SV2C: variants seen among roughly 807,000 people sequenced by gnomAD.
SV2C encodes the protein synaptic vesicle glycoprotein 2C, also known as solute carrier family 22 member B3.
SV2C carries 49 observed loss-of-function variants against 79.7 expected under a neutral mutation model. The ratio of observed to expected loss-of-function variants is 0.61; its 90% CI spans 0.49 to 0.78. The LOEUF (loss-of-function observed/expected upper bound fraction) is 0.78, where lower values mean the gene tolerates loss of function less well. Ranked by LOEUF, SV2C falls within the 30% of genes least tolerant of loss-of-function variation. The pLI is 0.00. For missense variants in SV2C, 833 were observed against 912.9 expected, an observed-to-expected ratio of 0.91 and a Z score of 1.13; for synonymous variants, 334 against 333.2, an observed-to-expected ratio of 1.00 and a Z score of -0.03.
the SV2C span, among the ~76,000 whole-genome samples, chr5:75,933,790 G>A: frequency 3.0e-4 from 46 of 152,076 alleles, no homozygotes; most frequent in African/African-American, 9.9e-4. Flanking sequence ...TCTATCATCT[G>A]TCCAAGCTTT....
At chr5:76,183,550 C>G (rs1351444592) in intron 2 of SV2C, among the ~76,000 whole-genome samples, 3 of 152,096 alleles carry the variant, frequency 2.0e-5, no homozygotes, top group Non-Finnish European at 4.4e-5. Context: ...TGCAGTTTAT[C>G]CTTGCAGTTG....
In SV2C at chr5:76,300,773, T is replaced by C. The variant is rs761142493; in HGVS notation, c.1681T>C (p.Ser561Pro). 8 of 1,614,038 alleles carry C rather than the reference T, an allele frequency of 5.0e-6. No homozygotes were observed. The highest frequency in any genetic ancestry group is 6.8e-6 in the Non-Finnish European group (8 of 1,179,982). ...KFIDSEFKNC[S>P]FFHNKTGCQI... ...CATTGACAGTGAATTTAAAAACTGC[T>C]CGTTTTTTCACAACAAGACGGGATG... The change falls in exon 11 of 13, where the codon TCG becomes CCG. Residue 561 changes from serine (S) to proline (P), a missense_variant. Transcript: ENST00000502798.
intron 1 of SV2C, among the ~76,000 whole-genome samples, chr5:76,090,875 C>T (rs893285465): frequency 3.3e-5 from 5 of 152,124 alleles, no homozygotes; most frequent in South Asian, 2.1e-4. Context: ...TCACGCAGCA[C>T]GGAAGTTTCT....
chr5:76,249,390 C>T (rs1746044663), intron 4 of SV2C, among the ~76,000 whole-genome samples: 1 of 152,110 alleles, frequency 6.6e-6, no homozygotes, highest in South Asian at 2.1e-4. Context: ...TTTTACATCT[C>T]CCCATAGTCA....
chr5:76,167,370 G>A (rs1743076384), intron 2 of SV2C, among the ~76,000 whole-genome samples: 1 of 152,136 alleles, frequency 6.6e-6, no homozygotes, highest in African/African-American at 2.4e-5. Context: ...TTTGTGTCTT[G>A]ATAGCCTTGA....
At chr5:76,275,284 A>G (rs2937752) in intron 4 of SV2C, among the ~76,000 whole-genome samples, 21,913 of 152,038 alleles carry the variant, frequency 0.14, 2,113 homozygotes, top group African/African-American at 0.27. Flanking sequence ...TCAAGAGATC[A>G]AGACCATCCT....
At chr5:76,165,546 A>G (rs1743020849) in intron 2 of SV2C, among the ~76,000 whole-genome samples, 3 of 152,112 alleles carry the variant, frequency 2.0e-5, no homozygotes, top group Non-Finnish European at 4.4e-5. Context: ...TCTGTTCTCT[A>G]TCTCTATAAT....
At chr5:75,924,253 G>A in the SV2C span, among the ~76,000 whole-genome samples, 1 of 152,048 alleles carries the variant, frequency 6.6e-6, no homozygotes, top group African/African-American at 2.4e-5. Context: ...TTGGGGACTT[G>A]GGGGAAGTTT....
the SV2C span, among the ~76,000 whole-genome samples, chr5:75,917,508 A>C: frequency 6.6e-6 from 1 of 152,228 alleles, no homozygotes; most frequent in South Asian, 2.1e-4. Context: ...AAATCTCATA[A>C]CCTTACAACA....
rs530027890 is a variant in SV2C at position 76,222,917 on chromosome 5, A to G, written c.913+13030A>G. ...ATTGACACAGATAATGGAAGATTAG[A>G]CATTAGAAGCAATCATTTGATCCTT... On this transcript the variant is annotated intron_variant, in intron 4 of 12. Coordinates refer to ENST00000502798, the MANE Select transcript of SV2C (RefSeq NM_014979.4). Among the ~76,000 whole-genome samples, 4 of 152,322 alleles carry G rather than the reference A, an allele frequency of 2.6e-5. No individual in the cohort carries two copies. The South Asian group carries it at 8.3e-4, about 32-fold the overall frequency.
chr5:76,136,226 A>G (rs1349117807), intron 2 of SV2C, among the ~76,000 whole-genome samples: 2 of 152,244 alleles, frequency 1.3e-5, no homozygotes, highest in East Asian at 1.9e-4. Flanking sequence ...TTCAAGGCAA[A>G]TATCAACTGC....
intron 2 of SV2C, among the ~76,000 whole-genome samples, chr5:76,139,841 G>T: frequency 1.3e-5 from 1 of 74,560 alleles, no homozygotes. Flanking sequence ...TCCATTTTTA[G>T]AAGCTCTTGA....
intron 1 of SV2C, among the ~76,000 whole-genome samples, chr5:76,112,003 G>A (rs1366407735): frequency 6.6e-6 from 1 of 152,086 alleles, no homozygotes; most frequent in Non-Finnish European, 1.5e-5. Flanking sequence ...CTCTGAGAAG[G>A]CCTGCAAAAA....
At chr5:75,886,956 TG>T in the SV2C span, among the ~76,000 whole-genome samples, 4 of 152,148 alleles carry the variant, frequency 2.6e-5, no homozygotes, top group African/African-American at 9.6e-5. Flanking sequence ...CTAGGCAAAC[TG>T]GGATGGTTGT....
At chr5:75,855,652 TTTTAAC>T in the SV2C span, among the ~76,000 whole-genome samples, 1 of 152,156 alleles carries the variant, frequency 6.6e-6, no homozygotes, top group African/African-American at 2.4e-5. Context: ...CTTTTAAAAT[TTTTAAC>T]TTTAATTTTT....
chr5:76,145,622 T>C (rs1447657112), intron 2 of SV2C, among the ~76,000 whole-genome samples: 3 of 152,148 alleles, frequency 2.0e-5, no homozygotes, highest in Non-Finnish European at 4.4e-5. Context: ...CCAGTTAATA[T>C]GAACATGGCA....
intron 12 of SV2C, among the ~76,000 whole-genome samples, chr5:76,346,523 G>GGA (rs1220288001): frequency 1.3e-5 from 2 of 152,186 alleles, no homozygotes; most frequent in African/African-American, 4.8e-5. Flanking sequence ...GGGAGAGAAG[G>GGA]GAGAAGGGAG....
the SV2C span, among the ~76,000 whole-genome samples, chr5:76,009,631 T>G: frequency 2.6e-5 from 4 of 152,294 alleles, no homozygotes; most frequent in South Asian, 8.3e-4. Context: ...CTGGAGGCCA[T>G]TTCCTAAGCA....
At chr5:76,007,221 A>G in the SV2C span, among the ~76,000 whole-genome samples, 2 of 151,590 alleles carry the variant, frequency 1.3e-5, no homozygotes, top group African/African-American at 4.8e-5. Flanking sequence ...AGTTTTCATT[A>G]TTTGTGTATG....
Sources: allele counts gnomAD v4.1 joint callset (sites outside exome capture counted in the v4.1 genomes callset), GRCh38; gene constraint gnomAD v4.1.1; transcripts MANE v1.5; gene names NCBI Gene and HGNC (gene_info 2026-07-23, HGNC 2026-07-21).